The following PDE4D variants were observed in gnomAD, a reference collection of about 807,000 sequenced individuals.
The protein encoded by PDE4D is 3',5'-cyclic-AMP phosphodiesterase 4D.
A neutral mutation model predicts 87.4 loss-of-function variants in PDE4D; 24 were observed. That is an observed-to-expected ratio of 0.27 (90% CI 0.20 to 0.39). The LOEUF (loss-of-function observed/expected upper bound fraction) is 0.39, where lower values mean the gene tolerates loss of function less well. PDE4D is among the 10% of genes least tolerant of loss of function. PDE4D has a pLI of 1.00. For synonymous variants in PDE4D, 384 were observed against 383.2 expected (o/e 1.00, Z -0.02); for missense variants, 714 against 1,041.0 (o/e 0.69, Z 4.32).
intron 1 of PDE4D, chr5:59,430,148 A>AT (rs1447796388): frequency 5.9e-6 from 4 of 673,608 alleles, no homozygotes; most frequent in African/African-American, 1.9e-5. Flanking sequence ...TCTCTGGTTA[A>AT]TTTTTTTCCC....
intron 5 of PDE4D, among the ~76,000 whole-genome samples, chr5:59,065,504 A>G (rs62356680): frequency 0.23 from 35,485 of 152,152 alleles, 5,162 homozygotes; most frequent in Middle Eastern, 0.36. Context: ...AAAGGAAAAC[A>G]AAACAAAAAA....
intron 1 of PDE4D, among the ~76,000 whole-genome samples, chr5:60,456,800 C>T (rs547178760): frequency 3.5e-4 from 53 of 152,254 alleles, no homozygotes; most frequent in Middle Eastern, 6.8e-3. Context: ...TCTTGTAATA[C>T]CTCATCCTGA....
chr5:60,076,473 T>C (rs1773307538), intron 2 of PDE4D, among the ~76,000 whole-genome samples: 1 of 152,174 alleles, frequency 6.6e-6, no homozygotes, highest in African/African-American at 2.4e-5. Flanking sequence ...CTCCAATCTT[T>C]GAAATTGCTG....
chr5:60,440,933 G>A (rs1345063183), intron 1 of PDE4D, among the ~76,000 whole-genome samples: 1 of 152,074 alleles, frequency 6.6e-6, no homozygotes, highest in Admixed American at 6.6e-5. Flanking sequence ...TCTAGCTTCA[G>A]AGTACATGTT....
intron 1 of PDE4D, among the ~76,000 whole-genome samples, chr5:59,752,163 A>G (rs1760578499): frequency 6.6e-6 from 1 of 152,186 alleles, no homozygotes; most frequent in South Asian, 2.1e-4. Flanking sequence ...CCCCAATAAC[A>G]TCCCATATAG....
chr5:59,384,071 G>T (rs1182115419), intron 1 of PDE4D, among the ~76,000 whole-genome samples: 9 of 151,286 alleles, frequency 5.9e-5, no homozygotes, highest in East Asian at 1.9e-4. Flanking sequence ...TATTTTTTTA[G>T]TTTTTTTTAT....
chr5:60,132,987 C>G (rs951746149), intron 2 of PDE4D, among the ~76,000 whole-genome samples: 1 of 152,304 alleles, frequency 6.6e-6, no homozygotes, highest in African/African-American at 2.4e-5. Context: ...CTGTTCCAAA[C>G]CATAGTGTAG....
At chr5:59,317,800 G>A (rs1774029289) in intron 1 of PDE4D, among the ~76,000 whole-genome samples, 1 of 152,094 alleles carries the variant, frequency 6.6e-6, no homozygotes, top group Non-Finnish European at 1.5e-5. Flanking sequence ...GTTCCCTTGA[G>A]GTTATGCAGC....
chr5:60,180,961 G>A (rs551518861), intron 2 of PDE4D, among the ~76,000 whole-genome samples: 4 of 152,228 alleles, frequency 2.6e-5, no homozygotes, highest in East Asian at 3.9e-4. Flanking sequence ...CTTAGGTGGG[G>A]TTGAATATAG....
intron 5 of PDE4D, among the ~76,000 whole-genome samples, chr5:59,094,662 A>G (rs1272797103): frequency 6.6e-6 from 1 of 152,226 alleles, no homozygotes; most frequent in Non-Finnish European, 1.5e-5. Flanking sequence ...GGATTTCACC[A>G]ATAGAAAATA....
chr5:59,464,112 C>T (rs564258533), intron 1 of PDE4D, among the ~76,000 whole-genome samples: 1 of 152,288 alleles, frequency 6.6e-6, no homozygotes, highest in East Asian at 1.9e-4. Flanking sequence ...CCTAGGAAAG[C>T]CAGGTATTGT....
At chr5:59,068,662 A>G (rs115488975) in intron 5 of PDE4D, among the ~76,000 whole-genome samples, 3 of 152,210 alleles carry the variant, frequency 2.0e-5, no homozygotes, top group African/African-American at 7.2e-5. Flanking sequence ...GAAGATCAAC[A>G]TGTAAGCACA....
chr5:60,414,686 T>A (rs978367831), intron 1 of PDE4D, among the ~76,000 whole-genome samples: 3 of 152,214 alleles, frequency 2.0e-5, no homozygotes, highest in African/African-American at 7.2e-5. Context: ...ATCCTAGCTA[T>A]TTTCTGAACT....
intron 2 of PDE4D, among the ~76,000 whole-genome samples, chr5:60,114,397 T>G (rs545877787): frequency 6.6e-6 from 1 of 152,264 alleles, no homozygotes; most frequent in Admixed American, 6.5e-5. Context: ...TCTAAAGTTT[T>G]AATGGCTAAG....
At chr5:59,546,289 T>C (rs1452971427) in intron 1 of PDE4D, among the ~76,000 whole-genome samples, 1 of 152,158 alleles carries the variant, frequency 6.6e-6, no homozygotes, top group African/African-American at 2.4e-5. Flanking sequence ...TTGTATTTTT[T>C]ATGAGGAGGG....
At chr5:59,813,525 C>T (rs1318400967) in intron 1 of PDE4D, among the ~76,000 whole-genome samples, 10 of 151,528 alleles carry the variant, frequency 6.6e-5, no homozygotes, top group African/African-American at 1.2e-4. Context: ...AATTAAAATC[C>T]GTATGATTCA....
chr5:59,406,395 T>TTC (rs1791654270), intron 1 of PDE4D, among the ~76,000 whole-genome samples: 38 of 33,222 alleles, frequency 1.1e-3, no homozygotes, highest in Admixed American at 1.4e-3. Context: ...TATCTTTCCT[T>TTC]CCCCCCCCCC....
chr5:59,260,433 G>A (rs1761786375), intron 1 of PDE4D, among the ~76,000 whole-genome samples: 1 of 151,800 alleles, frequency 6.6e-6, no homozygotes, highest in African/African-American at 2.4e-5. Context: ...GATTGCATGT[G>A]TAGTTACATT....
intron 1 of PDE4D, among the ~76,000 whole-genome samples, chr5:59,406,386 A>T (rs28660597): frequency 0.33 from 26,183 of 80,144 alleles, 4,543 homozygotes; most frequent in Middle Eastern, 0.49. Flanking sequence ...ATCTTTCCTT[A>T]TCTTTCCTTC....
Sources: gnomAD v4.1 joint callset for allele counts (sites outside exome capture counted in the v4.1 genomes callset) on GRCh38, gnomAD v4.1.1 for gene constraint, MANE v1.5 for transcripts, NCBI Gene and HGNC (gene_info 2026-07-23, HGNC 2026-07-21) for gene names.